The following RYR2 variants were observed in gnomAD, a reference collection of about 807,000 sequenced individuals.
The protein encoded by RYR2 is cardiac muscle ryanodine receptor-calcium release channel.
Under a neutral mutation model 601.1 loss-of-function variants are expected in RYR2, and 227 were observed. The observed-to-expected ratio is 0.38, with a 90% CI of 0.34 to 0.42. The LOEUF (loss-of-function observed/expected upper bound fraction) is 0.42. Ranked by LOEUF, RYR2 falls within the 10% of genes least tolerant of loss-of-function variation. RYR2 has a pLI of 1.00. For missense variants in RYR2, 4,646 were observed against 6,156.5 expected, an observed-to-expected ratio of 0.75 and a Z score of 8.21; for synonymous variants, 2,223 against 2,175.1, an observed-to-expected ratio of 1.02 and a Z score of -0.61.
At chr1:237,387,156 G>A (rs1702013408) in intron 8 of RYR2, 125 bp from the exon 9 acceptor site, 10 of 818,786 alleles carry the variant, frequency 1.2e-5, no homozygotes, top group Non-Finnish European at 2.1e-5. Context: ...TGAATGACAG[G>A]TTGAAACAGA....
intron 10 of RYR2, among the ~76,000 whole-genome samples, chr1:237,412,620 A>T (rs544298893): frequency 6.6e-6 from 1 of 152,300 alleles, no homozygotes; most frequent in African/African-American, 2.4e-5. Context: ...ACACTGTTTT[A>T]GTACATTGCA....
At chr1:237,098,208 A>G (rs1667686106) in intron 1 of RYR2, among the ~76,000 whole-genome samples, 2 of 152,180 alleles carry the variant, frequency 1.3e-5, no homozygotes, top group South Asian at 4.1e-4. Flanking sequence ...GATTCAGTCG[A>G]TATTGATTGA....
intron 24 of RYR2, among the ~76,000 whole-genome samples, chr1:237,515,711 C>T (rs1396368681): frequency 1.4e-5 from 2 of 145,054 alleles, no homozygotes; most frequent in Non-Finnish European, 3.1e-5. Context: ...CCTCCTTCTC[C>T]TTCTTCTCTT....
At chr1:237,149,268 G>C (rs538225388) in intron 1 of RYR2, among the ~76,000 whole-genome samples, 1 of 152,144 alleles carries the variant, frequency 6.6e-6, no homozygotes, top group South Asian at 2.1e-4. Context: ...AGGCTAGCCT[G>C]AGCAACATGC....
chr1:237,728,377 T>C (rs193079583), intron 76 of RYR2, among the ~76,000 whole-genome samples: 19 of 152,076 alleles, frequency 1.2e-4, no homozygotes, highest in Non-Finnish European at 2.1e-4. Context: ...AGATAGAATA[T>C]TAACCTTAAT....
At chr1:237,738,526 T>G (rs1691338225) in intron 79 of RYR2, among the ~76,000 whole-genome samples, 1 of 152,040 alleles carries the variant, frequency 6.6e-6, no homozygotes, top group Non-Finnish European at 1.5e-5. Context: ...TAGTTTTCAT[T>G]TATTTATATA....
At chr1:237,584,908 T>A (rs115634539) in intron 29 of RYR2, among the ~76,000 whole-genome samples, 55,599 of 150,768 alleles carry the variant, frequency 0.37, 11,990 homozygotes, top group Admixed American at 0.48. Flanking sequence ...AATTTGTTAT[T>A]TTTTTTTTTT....
At chr1:237,363,602 T>A (rs1699963860) in intron 4 of RYR2, among the ~76,000 whole-genome samples, 2 of 152,114 alleles carry the variant, frequency 1.3e-5, no homozygotes, top group African/African-American at 2.4e-5. Context: ...ATCATTGTTT[T>A]CTTTTTCATA....
intron 44 of RYR2, among the ~76,000 whole-genome samples, chr1:237,635,666 A>T (rs1680801028): frequency 6.6e-6 from 1 of 152,102 alleles, no homozygotes; most frequent in Non-Finnish European, 1.5e-5. Context: ...TCTTAAAAAG[A>T]TCATGCCAAT....
intron 63 of RYR2, among the ~76,000 whole-genome samples, chr1:237,698,619 A>C: frequency 6.6e-6 from 1 of 152,186 alleles, no homozygotes; most frequent in East Asian, 1.9e-4. Flanking sequence ...ATATGAGCTG[A>C]CTTTAAAAGT....
chr1:237,107,363 T>C (rs1668817427), intron 1 of RYR2, among the ~76,000 whole-genome samples: 1 of 150,492 alleles, frequency 6.6e-6, no homozygotes, highest in Non-Finnish European at 1.5e-5. Flanking sequence ...CTACTAAAAA[T>C]ACAAAAAATT....
chr1:237,541,551 G>A (rs538408875), intron 25 of RYR2, among the ~76,000 whole-genome samples: 104 of 151,716 alleles, frequency 6.9e-4, no homozygotes, highest in Non-Finnish European at 1.3e-3. Flanking sequence ...ATTTGGTTTC[G>A]TACTTGATTC....
Position 237,272,539 on chromosome 1 carries a change from T to C in RYR2, c.168+1923T>C, listed in dbSNP as rs185461631. The stretch of plus-strand genomic sequence containing the variant: ...GCCTGTAGACATTATAATTTTATAA[T>C]ATATATAATTATGTATAATTTATAT... On this transcript the variant is annotated intron_variant, in intron 2 of 104. Coordinates refer to ENST00000366574, the MANE Select transcript of RYR2 (RefSeq NM_001035.3). 8.7e-5 allele frequency among the ~76,000 whole-genome samples: 13 copies of C among 149,158 alleles called. No homozygotes were observed. The East Asian group carries it at 2.5e-3, about 29-fold the overall frequency.
At chr1:237,223,343 A>C (rs1684024343) in intron 1 of RYR2, among the ~76,000 whole-genome samples, 1 of 152,224 alleles carries the variant, frequency 6.6e-6, no homozygotes, top group Non-Finnish European at 1.5e-5. Context: ...CCTTAATTCC[A>C]TTCATGAGGG....
intron 1 of RYR2, among the ~76,000 whole-genome samples, chr1:237,269,002 A>G (rs12043216): frequency 0.13 from 18,293 of 137,530 alleles, 1,856 homozygotes; most frequent in East Asian, 0.51. Flanking sequence ...GATTTTAAAT[A>G]CAAATTAGAG....
intron 1 of RYR2, among the ~76,000 whole-genome samples, chr1:237,189,312 C>T (rs1429476309): frequency 6.6e-6 from 1 of 152,224 alleles, no homozygotes; most frequent in African/African-American, 2.4e-5. Context: ...TGTTAATGGA[C>T]ATGTGGGCTG....
intron 73 of RYR2, among the ~76,000 whole-genome samples, chr1:237,720,982 A>G (rs1231545991): frequency 2.0e-5 from 3 of 152,350 alleles, no homozygotes; most frequent in African/African-American, 7.2e-5. Flanking sequence ...CCTGAAAATA[A>G]AGAGGTAATG....
chr1:237,363,719 C>A (rs1699973615), intron 4 of RYR2, among the ~76,000 whole-genome samples: 1 of 152,016 alleles, frequency 6.6e-6, no homozygotes, highest in African/African-American at 2.4e-5. Flanking sequence ...CACATACGTA[C>A]ACATTATGTT....
At chr1:237,424,203 T>C (rs1705887238) in intron 12 of RYR2, among the ~76,000 whole-genome samples, 2 of 152,190 alleles carry the variant, frequency 1.3e-5, no homozygotes, top group South Asian at 4.1e-4. Context: ...GTTCATAATT[T>C]AATGAAGATT....
Sources: gnomAD v4.1 joint callset for allele counts (sites outside exome capture counted in the v4.1 genomes callset) on GRCh38, gnomAD v4.1.1 for gene constraint, MANE v1.5 for transcripts, NCBI Gene and HGNC (gene_info 2026-07-23, HGNC 2026-07-21) for gene names.